CYP2R1: variants seen among roughly 807,000 people sequenced by gnomAD.
The protein encoded by CYP2R1 is vitamin D 25-hydroxylase.
A neutral mutation model predicts 45.7 loss-of-function variants in CYP2R1; 40 were observed. The ratio of observed to expected loss-of-function variants is 0.87; its 90% confidence interval spans 0.68 to 1.14. CYP2R1 has a LOEUF of 1.14. Ranked by LOEUF, CYP2R1 falls within the 50% of genes most tolerant of loss-of-function variation. CYP2R1 has a pLI of 0.00. For synonymous variants in CYP2R1, 234 were observed against 219.3 expected (o/e 1.07, Z -0.59); for missense variants, 605 against 602.6 (o/e 1.00, Z -0.04).
chr11:14,889,166 T>TG (rs201551893), intron 1 of CYP2R1, among the ~76,000 whole-genome samples: 10,064 of 147,672 alleles, frequency 0.068, 433 homozygotes, highest in African/African-American at 0.13. Context: ...GTCCAGTTGT[T>TG]TTTTTTTTTT....
At chr11:14,891,647 C>T (rs1848861986) in intron 1 of CYP2R1, 5 of 1,149,854 alleles carry the variant, frequency 4.3e-6, no homozygotes, top group Non-Finnish European at 4.3e-6. Flanking sequence ...TGCGTCCACC[C>T]TGGACCTGAA....
chr11:14,880,434 C>T lies in CYP2R1; in HGVS notation c.702G>A (p.Trp234Ter). The change falls in exon 3 of 5, where the codon TGG becomes TGA. Residue 234 changes from tryptophan to a stop codon, truncating the protein, a stop_gained. Transcript: ENST00000334636. LOFTEE classifies it high-confidence loss of function. ...ASVFLYNAFP[W>*]IGILPFGKHQ... The stretch of plus-strand genomic sequence containing the variant: ...GTTTTCCAAAAGGCAGGATGCCAAT[C>T]CATGGAAAGGCATTATACAAGAAGA... The T allele has an allele frequency of 6.2e-7, 1 of 1,613,392 alleles. No homozygotes were observed.
intron 2 of CYP2R1, among the ~76,000 whole-genome samples, chr11:14,881,264 G>T (rs566084638): frequency 1.3e-5 from 2 of 152,112 alleles, no homozygotes; most frequent in South Asian, 4.1e-4. Context: ...CTATGACAGG[G>T]GTAAGGGTAC....
At chr11:14,890,840 G>A (rs1025071036) in intron 1 of CYP2R1, 19 of 984,450 alleles carry the variant, frequency 1.9e-5, no homozygotes, top group Non-Finnish European at 2.3e-5. Context: ...GAGCCACCGC[G>A]CCCGGGCACC....
intron 1 of CYP2R1, among the ~76,000 whole-genome samples, chr11:14,889,194 C>A: frequency 6.9e-6 from 1 of 144,498 alleles, no homozygotes; most frequent in African/African-American, 2.5e-5. Context: ...GAGCATACAT[C>A]TCAAATTTAA....
At chr11:14,884,105 T>C (rs1482925013) in intron 2 of CYP2R1, among the ~76,000 whole-genome samples, 2 of 152,062 alleles carry the variant, frequency 1.3e-5, no homozygotes, top group African/African-American at 2.4e-5. Flanking sequence ...AGTTCAACCA[T>C]TGTGGAAGTC....
intron 3 of CYP2R1, 73 bp downstream of exon 3, chr11:14,880,063 T>C: frequency 6.6e-7 from 1 of 1,506,712 alleles, no homozygotes; most frequent in East Asian, 2.3e-5. Context: ...GTATTGTGCA[T>C]GGCCAAGACT....
intron 1 of CYP2R1, among the ~76,000 whole-genome samples, chr11:14,889,139 TC>T (rs1555015686): frequency 6.7e-6 from 1 of 150,330 alleles, no homozygotes; most frequent in Non-Finnish European, 1.5e-5. Flanking sequence ...GAAGTGACTG[TC>T]CTAAGCAATT....
chr11:14,878,192 G>T lies in CYP2R1; in HGVS notation c.1436C>A (p.Pro479Gln), dbSNP rs1360336340. Residue 479 changes from proline (P) to glutamine (Q), a missense_variant, in exon 5 of 5, where the codon CCA (proline) becomes CAA (glutamine). Physicochemically the swap from Pro to Gln is moderately conservative, Grantham distance 76. Coordinates refer to ENST00000334636, the MANE Select transcript of CYP2R1 (RefSeq NM_024514.5). ...FHLHFPHELVPDLKPRLGMTL... is the reference protein window; with the variant it reads ...FHLHFPHELVQDLKPRLGMTL... ...CATGCCTAACCTGGGCTTCAGATCT[G>T]GAACTAGTTCATGTGGAAAATGCAA... 1 of 1,613,092 alleles carries T rather than the reference G, an allele frequency of 6.2e-7. No homozygotes were observed. The highest frequency in any genetic ancestry group is 1.3e-5 in the African/African-American group (1 of 74,800).
intron 1 of CYP2R1, chr11:14,891,500 G>C: frequency 1.0e-6 from 1 of 994,320 alleles, no homozygotes; most frequent in African/African-American, 1.7e-5. Context: ...GCCTACACCA[G>C]TCGTTCGTCG....
intron 1 of CYP2R1, chr11:14,887,742 A>G (rs1456173597): frequency 1.7e-6 from 1 of 582,806 alleles, no homozygotes; most frequent in Non-Finnish European, 2.2e-6. Flanking sequence ...CAAGTGGTTG[A>G]GGCCCAGGAC....
At chr11:14,882,905 C>A (rs903559585) in intron 2 of CYP2R1, among the ~76,000 whole-genome samples, 1 of 152,036 alleles carries the variant, frequency 6.6e-6, no homozygotes, top group East Asian at 1.9e-4. Context: ...AAACACAGAG[C>A]CAAATCATGA....
Position 14,885,765 on chromosome 11 carries a change from A to C in CYP2R1, c.367+11T>G. ...CTTAGTAAATCACTAAATAGGTGCA[A>C]ATAAACATACCTCCCATTTTTGTCA... On this transcript the variant is annotated intron_variant, in intron 2 of 4. Coordinates refer to ENST00000334636, the MANE Select transcript of CYP2R1 (RefSeq NM_024514.5). The C allele has an allele frequency of 6.2e-7, 1 of 1,611,630 alleles. No homozygotes were observed. The highest frequency in any genetic ancestry group is 2.2e-5 in the East Asian group (1 of 44,842).
intron 3 of CYP2R1, among the ~76,000 whole-genome samples, chr11:14,879,768 T>C (rs782157203): frequency 1.3e-5 from 2 of 152,166 alleles, no homozygotes; most frequent in African/African-American, 2.4e-5. Flanking sequence ...GGTAGCTCTA[T>C]TGTGAAAGAC....
At chr11:14,889,164 G>GTTTT (rs11410959) in intron 1 of CYP2R1, among the ~76,000 whole-genome samples, 1 of 140,174 alleles carries the variant, frequency 7.1e-6, no homozygotes. Flanking sequence ...AAGTCCAGTT[G>GTTTT]TTTTTTTTTT....
chr11:14,888,571 C>A (rs987573669), intron 1 of CYP2R1, among the ~76,000 whole-genome samples: 4 of 152,164 alleles, frequency 2.6e-5, no homozygotes, highest in African/African-American at 4.8e-5. Flanking sequence ...TGATGCCTTT[C>A]TTGGGGCACT....
chr11:14,889,836 C>T (rs1487079252), intron 1 of CYP2R1, among the ~76,000 whole-genome samples: 1 of 151,974 alleles, frequency 6.6e-6, no homozygotes, highest in Non-Finnish European at 1.5e-5. Flanking sequence ...TGTATAGAAA[C>T]TAATAACATA....
intron 2 of CYP2R1, among the ~76,000 whole-genome samples, chr11:14,884,723 A>C (rs1245905763): frequency 6.6e-6 from 1 of 152,000 alleles, no homozygotes; most frequent in Non-Finnish European, 1.5e-5. Flanking sequence ...AAATAAAAAA[A>C]CACATAATTT....
chr11:14,882,298 T>TA (rs782278573), intron 2 of CYP2R1, among the ~76,000 whole-genome samples: 32 of 152,002 alleles, frequency 2.1e-4, no homozygotes, highest in Non-Finnish European at 4.0e-4. Context: ...CGTAAAAAGA[T>TA]ATAGGGTAGT....
Sources: gnomAD v4.1 joint callset for allele counts (sites outside exome capture counted in the v4.1 genomes callset) on GRCh38, gnomAD v4.1.1 for gene constraint, MANE v1.5 for transcripts, NCBI Gene and HGNC (gene_info 2026-07-23, HGNC 2026-07-21) for gene names.